The following PTPN21 variants were observed in gnomAD, a reference collection of about 807,000 sequenced individuals.
The protein encoded by PTPN21 is protein tyrosine phosphatase non-receptor type 21.
In PTPN21, 77 loss-of-function variants were observed where a neutral mutation model predicts 131.8. The ratio of observed to expected loss-of-function variants is 0.58; its 90% CI spans 0.49 to 0.71. The LOEUF (loss-of-function observed/expected upper bound fraction) is 0.71. PTPN21 is among the 30% of genes least tolerant of loss of function. PTPN21 has a pLI of 0.00. For synonymous variants in PTPN21, 715 were observed against 621.3 expected, an observed-to-expected ratio of 1.15 and a Z score of -2.24; for missense variants, 1,552 against 1,527.1, an observed-to-expected ratio of 1.02 and a Z score of -0.27.
intron 3 of PTPN21, among the ~76,000 whole-genome samples, chr14:88,514,378 T>C (rs2078230173): frequency 1.3e-5 from 2 of 152,210 alleles, no homozygotes; most frequent in African/African-American, 4.8e-5. Flanking sequence ...GGCAGTTTTC[T>C]GCTGCTTTAT....
intron 2 of PTPN21, among the ~76,000 whole-genome samples, chr14:88,523,076 A>G (rs1042860454): frequency 6.6e-6 from 1 of 152,148 alleles, no homozygotes; most frequent in African/African-American, 2.4e-5. Flanking sequence ...GGAAAAGGAG[A>G]GAATACTTTC....
intron 18 of PTPN21, 34 bp from the exon 19 acceptor site, chr14:88,468,299 G>A (rs776700561): frequency 1.9e-6 from 3 of 1,558,430 alleles, no homozygotes; most frequent in East Asian, 2.3e-5. Context: ...AAGATAATGT[G>A]TTCCCCTGGG....
intron 8 of PTPN21, 93 bp from the exon 9 acceptor site, chr14:88,497,383 A>G: frequency 1.0e-6 from 1 of 972,650 alleles, no homozygotes. Flanking sequence ...CCTGACGTGT[A>G]AGTTAGCATT....
chr14:88,553,992 C>G (rs186080621), intron 1 of PTPN21, among the ~76,000 whole-genome samples: 3 of 152,194 alleles, frequency 2.0e-5, no homozygotes, highest in Admixed American at 1.3e-4. Flanking sequence ...ACGAAACGGA[C>G]TATATTCAGA....
At chr14:88,532,109 TA>T (rs541082612) in intron 2 of PTPN21, among the ~76,000 whole-genome samples, 141 of 141,022 alleles carry the variant, frequency 1.0e-3, no homozygotes, top group African/African-American at 1.4e-3. Context: ...AAACGGTAAT[TA>T]AAAAAAAAAA....
rs372858256 is a variant in PTPN21, at chr14:88,480,195, G to C, written c.1236C>G (p.Pro412=). 1.9e-6 allele frequency: 3 copies of C among 1,614,174 alleles called. No homozygotes were observed. Among genetic ancestry groups the C allele is most frequent in the East Asian group, 4.5e-5 (2 of 44,884 alleles). Residue 412 remains proline (P), a synonymous_variant, in exon 13 of 19, where the codon CCC becomes CCG. Transcript: ENST00000556564. Reference sequence around the variant, plus strand: ...TGCTAGGGTTGGACGACATCGGCGAGGGCTGCAAGTAGGGCTGAGGATTAT... The same window carrying C: ...TGCTAGGGTTGGACGACATCGGCGACGGCTGCAAGTAGGGCTGAGGATTAT... ...SLNNPQPYLQ[P]SPMSSNPSIT...
chr14:88,473,666 C>A lies in PTPN21; in HGVS notation c.2648G>T (p.Arg883Met). 1 of 1,612,552 alleles carries A rather than the reference C, an allele frequency of 6.2e-7. No individual in the cohort carries two copies. The highest frequency in any genetic ancestry group is 8.5e-7 in the Non-Finnish European group (1 of 1,179,678). Residue 883 changes from arginine (R) to methionine (M), a missense_variant and splice_region_variant, in exon 14 of 19, where the codon AGG (arginine) becomes ATG (methionine). By Grantham distance (91) the Arg-to-Met change is moderately conservative. This residue lies in a region of PTPN21 where 316 missense variants were observed against 378.5 expected (regional missense o/e 0.83). Transcript: ENST00000556564. ...EVATRATNDE[R>M]CKILEQRLEQ... ...AAGCCCTGTGTGTCCCATACATACC[C>A]TTTCATCATTCGTTGCTCTGGTAGC... is the stretch of plus-strand genomic sequence containing the variant.
At position 88,488,425 on chromosome 14, in the gene PTPN21, G is replaced by A. The variant is rs979826416; in HGVS notation, c.933-2583C>T. 3.9e-5 allele frequency among the ~76,000 whole-genome samples: 6 copies of A among 152,150 alleles called. No individual in the cohort carries two copies. The East Asian group carries it at 1.2e-3, about 29-fold the overall frequency. ...GTACCTGCCAAAGTGCTTGACCCAG[G>A]CAGCCACGCCATCAGTTCTAATAGT... On this transcript the variant is annotated intron_variant, in intron 10 of 18. Coordinates refer to ENST00000556564, the MANE Select transcript of PTPN21 (RefSeq NM_007039.4).
At chr14:88,529,807 C>A (rs1329447764) in intron 2 of PTPN21, among the ~76,000 whole-genome samples, 2 of 151,958 alleles carry the variant, frequency 1.3e-5, no homozygotes, top group Non-Finnish European at 2.9e-5. Flanking sequence ...CATGGTGAAG[C>A]CCCATCTCTA....
At position 88,547,461 on chromosome 14, in the gene PTPN21, G is replaced by A. The variant is rs560758270; in HGVS notation, c.180+2777C>T. 4 of 258,820 alleles carry A rather than the reference G, an allele frequency of 1.5e-5. No homozygotes were observed. The East Asian group carries it at 3.6e-4, about 23-fold the overall frequency. 16.0% of individuals were successfully genotyped at this position (258,820 alleles called of 1,614,324 possible). A position where few individuals can be genotyped will look rare whatever the true frequency, so the allele number is the denominator to read the frequency against. ...AAACAACTCCCAGACCAGCCTGGGC[G>A]ACATAGCAAGACTCCATCTCAAAAA... On this transcript the variant is annotated intron_variant, in intron 2 of 18. Coordinates refer to ENST00000556564, the MANE Select transcript of PTPN21 (RefSeq NM_007039.4).
intron 4 of PTPN21, among the ~76,000 whole-genome samples, chr14:88,507,357 C>A (rs1362985332): frequency 6.6e-6 from 1 of 152,146 alleles, no homozygotes; most frequent in Non-Finnish European, 1.5e-5. Context: ...TGTCACTGTG[C>A]AAACATCAGA....
At position 88,538,469 on chromosome 14, in the gene PTPN21, A is replaced by AT. The variant is rs570676162; in HGVS notation, c.180+11768dup. ...CAGCTCTGCCCTAAACACCCTGGGG[A>AT]TTCCCCAACAGTGTCTTGCGGGCCT... On this transcript the variant is annotated intron_variant, in intron 2 of 18. Coordinates refer to ENST00000556564, the MANE Select transcript of PTPN21 (RefSeq NM_007039.4). Among the ~76,000 whole-genome samples, 14 of 152,320 alleles carry AT rather than the reference A, an allele frequency of 9.2e-5. No homozygotes were observed. The South Asian group carries it at 2.9e-3, about 32-fold the overall frequency.
At chr14:88,518,319 CGTATATATACACATATATGTGTATAAGT>C (rs2078320929) in intron 2 of PTPN21, among the ~76,000 whole-genome samples, 1 of 76,960 alleles carries the variant, frequency 1.3e-5, no homozygotes, top group South Asian at 4.9e-4. Context: ...TGTATATATA[CGTATATATACACATATATGTGTATAAGT>C]GTATATATAC....
chr14:88,541,593 G>GGA (rs1236802918), intron 2 of PTPN21, among the ~76,000 whole-genome samples: 2 of 152,116 alleles, frequency 1.3e-5, no homozygotes, highest in African/African-American at 4.8e-5. Context: ...ACCATCAGCA[G>GGA]GACAGTGGGG....
chr14:88,493,045 T>C (rs1252392430), intron 10 of PTPN21: 1 of 456,200 alleles, frequency 2.2e-6, no homozygotes, highest in African/African-American at 2.0e-5. Context: ...GAGCACAGGC[T>C]CGAGTCTTGC....
At chr14:88,486,263 C>T (rs2077730892) in intron 10 of PTPN21, among the ~76,000 whole-genome samples, 1 of 152,154 alleles carries the variant, frequency 6.6e-6, no homozygotes, top group Admixed American at 6.5e-5. Flanking sequence ...GCCCTGGGTC[C>T]CTCCACTAAC....
chr14:88,477,446 T>TAAA lies in PTPN21; in HGVS notation c.2511+1471_2511+1473dup, dbSNP rs59381948. On this transcript the variant is annotated intron_variant, in intron 13 of 18. Transcript: ENST00000556564. ...CCTGGGCAACAGGGCAAGACTGTTC[T>TAAA]AAAAAAAAAAAAAAAAAAAAAAAAG... Among the ~76,000 whole-genome samples the TAAA allele has an allele frequency of 1.0e-3, 80 of 76,282 alleles. 1 individual carries two copies. Among genetic ancestry groups the TAAA allele is most frequent in the East Asian group, 2.5e-3 (5 of 1,998 alleles). 50.0% of individuals were successfully genotyped at this position (76,282 alleles called of 152,430 possible). A position where few individuals can be genotyped will look rare whatever the true frequency, so the allele number is the denominator to read the frequency against.
intron 10 of PTPN21, among the ~76,000 whole-genome samples, chr14:88,487,322 G>A (rs1301590177): frequency 6.6e-6 from 1 of 152,024 alleles, no homozygotes; most frequent in Non-Finnish European, 1.5e-5. Context: ...CATAATCACT[G>A]ATTACAAAAA....
Position 88,485,805 on chromosome 14 carries a change from T to G in PTPN21, c.970A>C (p.Arg324=), listed in dbSNP as rs1158760118. ...QTVTVNPIRR[R]SSSRMSLPKP... ...ACCAGAGACATCCTTGAAGAAGACCTCCTCCTGATTGGGTTCACTGTGACA... is the reference window on the plus strand; with the variant it reads ...ACCAGAGACATCCTTGAAGAAGACCGCCTCCTGATTGGGTTCACTGTGACA... Residue 324 remains arginine (R), a synonymous_variant, in exon 11 of 19, where the codon AGG becomes CGG. Coordinates refer to ENST00000556564, the MANE Select transcript of PTPN21 (RefSeq NM_007039.4). 14 of 1,609,222 alleles carry G rather than the reference T, an allele frequency of 8.7e-6. No homozygotes were observed. Among genetic ancestry groups the G allele is most frequent in the Non-Finnish European group, 1.2e-5 (14 of 1,176,074 alleles).
Sources: allele counts gnomAD v4.1 joint callset (sites outside exome capture counted in the v4.1 genomes callset), GRCh38; gene constraint gnomAD v4.1.1; regional missense constraint gnomAD v4.1.1; transcripts MANE v1.5; gene names NCBI Gene and HGNC (gene_info 2026-07-23, HGNC 2026-07-21).